Variants in PIK3CD observed in about 807,000 individuals in gnomAD.
PIK3CD encodes the protein phosphatidylinositol 4,5-bisphosphate 3-kinase catalytic subunit delta isoform.
A neutral mutation model predicts 122.9 loss-of-function variants in PIK3CD; 20 were observed. The observed-to-expected ratio is 0.16, with a 90% CI of 0.11 to 0.24. The LOEUF (loss-of-function observed/expected upper bound fraction) is 0.24. Ranked by LOEUF, PIK3CD falls within the 10% of genes least tolerant of loss-of-function variation. The pLI, the probability that PIK3CD is intolerant of heterozygous loss-of-function variation, is 1.00. For synonymous variants in PIK3CD, 596 were observed against 593.4 expected, an observed-to-expected ratio of 1.00 and a Z score of -0.06; for missense variants, 787 against 1,406.3, an observed-to-expected ratio of 0.56 and a Z score of 7.04.
At chr1:9,697,186 A>G (rs1646453084) in intron 2 of PIK3CD, among the ~76,000 whole-genome samples, 1 of 152,108 alleles carries the variant, frequency 6.6e-6, no homozygotes, top group South Asian at 2.1e-4. Context: ...AGCCTGGGCA[A>G]CATAGCAAGA....
chr1:9,709,194 T>C (rs1026558903), intron 2 of PIK3CD, among the ~76,000 whole-genome samples: 2 of 152,010 alleles, frequency 1.3e-5, no homozygotes, highest in Non-Finnish European at 2.9e-5. Flanking sequence ...CATGCCCGGC[T>C]AATTTTTATA....
chr1:9,718,086 G>T lies in PIK3CD; in HGVS notation c.1020+460G>T, dbSNP rs1039146799. 4 of 467,670 alleles carry T rather than the reference G, an allele frequency of 8.6e-6. No homozygotes were observed. The highest frequency in any genetic ancestry group is 1.3e-5 in the Non-Finnish European group (3 of 234,978). The allele number at this position is 467,670 out of a possible 1,614,324, so 29.0% of individuals were successfully genotyped here. A position where few individuals can be genotyped will look rare whatever the true frequency, so the allele number is the denominator to read the frequency against. The stretch of plus-strand genomic sequence containing the variant: ...CTGTTGTCTCTTAACACTTTCACAC[G>T]CTCCATCGCAACAGCCTGCAGTCAT... On this transcript the variant is annotated intron_variant, in intron 8 of 23. Transcript: ENST00000377346. The surrounding 1 kb of genome is among the most constrained non-coding windows in gnomAD (Gnocchi z 7.2).
chr1:9,693,069 A>C (rs1271492342), intron 2 of PIK3CD, among the ~76,000 whole-genome samples: 1 of 152,180 alleles, frequency 6.6e-6, no homozygotes, highest in Admixed American at 6.5e-5. Context: ...AATTAGTGTC[A>C]AGTTTGGAAA....
chr1:9,677,802 C>T (rs561860410), intron 1 of PIK3CD, among the ~76,000 whole-genome samples: 1 of 152,062 alleles, frequency 6.6e-6, no homozygotes, highest in South Asian at 2.1e-4. Flanking sequence ...TACATGGAAT[C>T]AACACAAGTT....
chr1:9,707,373 CTTTTA>C (rs1173189213), intron 2 of PIK3CD, among the ~76,000 whole-genome samples: 1 of 126,278 alleles, frequency 7.9e-6, no homozygotes, highest in African/African-American at 3.0e-5. Context: ...TTTAATTTAA[CTTTTA>C]TTTTAAGTTC....
At chr1:9,654,066 A>G (rs1644761911) in intron 1 of PIK3CD, 2 of 1,208,910 alleles carry the variant, frequency 1.7e-6, no homozygotes, top group Non-Finnish European at 2.2e-6. Flanking sequence ...GCAAGAGCCC[A>G]TCTCTGAGAA....
chr1:9,703,417 T>G (rs1646719678), intron 2 of PIK3CD, among the ~76,000 whole-genome samples: 1 of 151,836 alleles, frequency 6.6e-6, no homozygotes, highest in Non-Finnish European at 1.5e-5. Flanking sequence ...GTGTGTTGAG[T>G]TTTTGAAAAG....
chr1:9,685,563 TG>T (rs1402277169), intron 1 of PIK3CD, among the ~76,000 whole-genome samples: 1 of 152,138 alleles, frequency 6.6e-6, no homozygotes, highest in Non-Finnish European at 1.5e-5. Context: ...TTCACCATGT[TG>T]GCCAGGCCAG....
At position 9,721,097 on chromosome 1, in the gene PIK3CD, G is replaced by A. The variant is rs561381588; in HGVS notation, c.1690-30G>A. Reference sequence around the variant, plus strand: ...GACCACCTCCACCCTGACCCCGGCCGCCCCCAAGCCTGACCTCGGCTCCCC... The same window carrying A: ...GACCACCTCCACCCTGACCCCGGCCACCCCCAAGCCTGACCTCGGCTCCCC... On this transcript the variant is annotated intron_variant, in intron 13 of 23. Coordinates refer to ENST00000377346, the MANE Select transcript of PIK3CD (RefSeq NM_005026.5). 9.5e-6 allele frequency: 15 copies of A among 1,584,806 alleles called. No homozygotes were observed. In the East Asian group the frequency reaches 1.6e-4, roughly 17 times the overall value.
Position 9,717,242 on chromosome 1 carries a change from A to C in PIK3CD, c.930+134A>C. The C allele has an allele frequency of 1.7e-6, 2 of 1,158,418 alleles. No individual in the cohort carries two copies. Among genetic ancestry groups the C allele is most frequent in the Non-Finnish European group, 2.5e-6 (2 of 792,646 alleles). The allele number at this position is 1,158,418 out of a possible 1,614,324, so 71.8% of individuals were successfully genotyped here. On this transcript the variant is annotated intron_variant, in intron 7 of 23. Transcript: ENST00000377346. This position sits in a 1 kb window ranked among gnomAD's most constrained non-coding sequence, Gnocchi z 5.4. ...GGGGCTTTGAGCTGGGGAAGCCAAC[A>C]CAGCTGACCAGCGTCCTGGGCTGGG...
rs76152741 is a variant in PIK3CD, at chr1:9,706,896, C to T, written c.-32-3528C>T. Among the ~76,000 whole-genome samples, 40 of 151,390 alleles carry T rather than the reference C, an allele frequency of 2.6e-4. No homozygotes were observed. The East Asian group carries it at 7.8e-3, about 29-fold the overall frequency. The stretch of plus-strand genomic sequence containing the variant: ...GTGATCCATCATAGCATCTCAAACT[C>T]CCAGGCTCAAGTGATCCTTCCACCT... On this transcript the variant is annotated intron_variant, in intron 2 of 23. Transcript: ENST00000377346.
At position 9,720,882 on chromosome 1, in the gene PIK3CD, G is replaced by A. The variant is rs1230716555; in HGVS notation, c.1662G>A (p.Lys554=). The A allele has an allele frequency of 1.2e-6, 2 of 1,603,190 alleles. No homozygotes were observed. The highest frequency in any genetic ancestry group is 1.7e-5 in the Admixed American group (1 of 58,226). ...EALARLLLVT[K]WNKHEDVAQM... is the part of the protein sequence containing the mutation. ...TAGCCCGGCTGCTGCTGGTCACCAA[G>A]TGGAACAAGCATGAGGATGTGGCCC... is the stretch of plus-strand genomic sequence containing the variant. The change falls in exon 13 of 24, where the codon AAG becomes AAA. Residue 554 remains lysine (K), a synonymous_variant. Coordinates refer to ENST00000377346, the MANE Select transcript of PIK3CD (RefSeq NM_005026.5). The surrounding 1 kb of genome is among the most constrained non-coding windows in gnomAD (Gnocchi z 9.0).
chr1:9,658,716 GACAGGGTTTCGCC>G (rs1387131485), intron 1 of PIK3CD, among the ~76,000 whole-genome samples: 1 of 151,946 alleles, frequency 6.6e-6, no homozygotes, highest in Admixed American at 6.6e-5. Context: ...TTTTAGTAGA[GACAGGGTTTCGCC>G]ATATTGGCCA....
At chr1:9,690,047 G>C (rs1290017540) in intron 1 of PIK3CD, among the ~76,000 whole-genome samples, 1 of 152,188 alleles carries the variant, frequency 6.6e-6, no homozygotes, top group Non-Finnish European at 1.5e-5. Context: ...AGCGGGCTTC[G>C]CACGAGGACG....
intron 23 of PIK3CD, 106 bp downstream of exon 23, chr1:9,725,042 G>A (rs1426306361): frequency 1.5e-6 from 2 of 1,374,380 alleles, no homozygotes; most frequent in Non-Finnish European, 2.0e-6. Context: ...AAAGGGCACT[G>A]AGCTGTGTGT....
intron 1 of PIK3CD, chr1:9,654,331 G>A (rs1293139510): frequency 1.5e-6 from 2 of 1,367,614 alleles, no homozygotes; most frequent in Non-Finnish European, 2.0e-6. Context: ...GCACTAAGCT[G>A]TGGGCTCCGT....
At chr1:9,687,674 G>C (rs1646022633) in intron 1 of PIK3CD, 1 of 152,256 alleles carries the variant, frequency 6.6e-6, no homozygotes, top group South Asian at 2.1e-4. Flanking sequence ...GTGCGGGCGG[G>C]TGAGTGCCCA....
the PIK3CD span, among the ~76,000 whole-genome samples, chr1:9,633,671 C>T: frequency 6.6e-6 from 1 of 152,160 alleles, no homozygotes; most frequent in Non-Finnish European, 1.5e-5. Flanking sequence ...GTCATGTCCC[C>T]GAGGTTTGGG....
chr1:9,667,535 C>A (rs1162416363), intron 1 of PIK3CD, among the ~76,000 whole-genome samples: 2 of 151,878 alleles, frequency 1.3e-5, no homozygotes, highest in African/African-American at 2.4e-5. Context: ...CGCCACCACG[C>A]CCGGCTAATT....
Sources: allele counts gnomAD v4.1 joint callset (sites outside exome capture counted in the v4.1 genomes callset), GRCh38; gene constraint gnomAD v4.1.1; non-coding constraint Gnocchi (gnomAD v3.1); transcripts MANE v1.5; gene names NCBI Gene and HGNC (gene_info 2026-07-23, HGNC 2026-07-21).